Variants in EML6 observed in about 807,000 individuals in gnomAD.
EML6 encodes the protein echinoderm microtubule-associated protein-like 6.
A neutral mutation model predicts 240.1 loss-of-function variants in EML6; 154 were observed. The observed-to-expected ratio is 0.64, with a 90% CI of 0.56 to 0.73. The LOEUF (loss-of-function observed/expected upper bound fraction) is 0.73. EML6 is among the 30% of genes least tolerant of loss of function. The pLI is 0.00. For synonymous variants in EML6, 1,148 were observed against 899.0 expected, an observed-to-expected ratio of 1.28 and a Z score of -4.95; for missense variants, 2,964 against 2,474.6, an observed-to-expected ratio of 1.20 and a Z score of -4.20.
intron 2 of EML6, among the ~76,000 whole-genome samples, chr2:54,730,595 A>G (rs1683110458): frequency 6.6e-6 from 1 of 152,240 alleles, no homozygotes; most frequent in African/African-American, 2.4e-5. Context: ...AAGAGATTTA[A>G]TCAGAGTTAC....
At chr2:54,854,361 A>G (rs982220714) in intron 11 of EML6, among the ~76,000 whole-genome samples, 5 of 152,308 alleles carry the variant, frequency 3.3e-5, no homozygotes, top group Non-Finnish European at 7.4e-5. Flanking sequence ...GAGAAGTTTG[A>G]TTCAAAGCAA....
At chr2:54,817,402 C>G (rs1033644260) in intron 4 of EML6, among the ~76,000 whole-genome samples, 2 of 152,154 alleles carry the variant, frequency 1.3e-5, no homozygotes, top group African/African-American at 4.8e-5. Context: ...ATACATATAA[C>G]TGGTCAGAAA....
At chr2:54,744,808 G>A (rs1351871054) in intron 2 of EML6, among the ~76,000 whole-genome samples, 1 of 151,970 alleles carries the variant, frequency 6.6e-6, no homozygotes, top group Non-Finnish European at 1.5e-5. Flanking sequence ...CATTAGAAGT[G>A]CACAGAAGAG....
intron 4 of EML6, among the ~76,000 whole-genome samples, chr2:54,818,262 G>A (rs761321043): frequency 7.2e-5 from 11 of 152,162 alleles, no homozygotes; most frequent in Non-Finnish European, 1.0e-4. Context: ...AGCTTTTATT[G>A]TTAAATTATT....
chr2:54,804,527 A>G (rs1670363626), intron 2 of EML6, among the ~76,000 whole-genome samples: 1 of 152,232 alleles, frequency 6.6e-6, no homozygotes, highest in Non-Finnish European at 1.5e-5. Context: ...CTGCGAGTTG[A>G]TAAATGTGAC....
chr2:54,843,371 G>T (rs4671978), intron 7 of EML6, among the ~76,000 whole-genome samples: 11 of 152,054 alleles, frequency 7.2e-5, no homozygotes, highest in African/African-American at 2.7e-4. Flanking sequence ...CGAGGCTTCA[G>T]TGAGCTACAG....
chr2:54,853,940 A>T, intron 11 of EML6, 85 bp downstream of exon 11: 1 of 741,362 alleles, frequency 1.3e-6, no homozygotes, highest in Non-Finnish European at 2.1e-6. Flanking sequence ...CCTGCTGTCT[A>T]TTCCAATGCA....
chr2:54,866,889 G>C lies in EML6; in HGVS notation c.2051+5G>C. 1 of 1,534,422 alleles carries C rather than the reference G, an allele frequency of 6.5e-7. No individual in the cohort carries two copies. Among genetic ancestry groups the C allele is most frequent in the Non-Finnish European group, 8.8e-7 (1 of 1,131,532 alleles). Reference sequence around the variant, plus strand: ...GAAACTCCAGTTCATACACGGGTGGGTGGCCTGTCATGGGCGCCCGTATGT... The same window carrying C: ...GAAACTCCAGTTCATACACGGGTGGCTGGCCTGTCATGGGCGCCCGTATGT... On this transcript the variant is annotated splice_donor_5th_base_variant and intron_variant, in intron 14 of 41. Coordinates refer to ENST00000356458, the MANE Select transcript of EML6 (RefSeq NM_001039753.4).
chr2:54,957,330 A>G (rs765397242), intron 32 of EML6, among the ~76,000 whole-genome samples: 14 of 148,032 alleles, frequency 9.5e-5, no homozygotes, highest in Non-Finnish European at 2.1e-4. Flanking sequence ...CGGGGAACTT[A>G]AAGAAAATGC....
At position 54,946,912 on chromosome 2, in the gene EML6, C is replaced by G. The variant is rs574250196; in HGVS notation, c.4005-1970C>G. On this transcript the variant is annotated intron_variant, in intron 28 of 41. Coordinates refer to ENST00000356458, the MANE Select transcript of EML6 (RefSeq NM_001039753.4). ...GATTGCTTTACCTTTCGGTTTTTTTCTGAAAATCAAGGTGAAAAAAAAAAG... is the reference window on the plus strand; with the variant it reads ...GATTGCTTTACCTTTCGGTTTTTTTGTGAAAATCAAGGTGAAAAAAAAAAG... Among the ~76,000 whole-genome samples the G allele has an allele frequency of 2.6e-5, 4 of 150,982 alleles. No homozygotes were observed. In the South Asian group the frequency reaches 8.4e-4, roughly 32 times the overall value.
At position 54,866,721 on chromosome 2, in the gene EML6, C is replaced by T. The variant is rs528142794; in HGVS notation, c.1933-45C>T. On this transcript the variant is annotated intron_variant, in intron 13 of 41. Transcript: ENST00000356458. ...TGTCAAGATGCTGATATTTTTGGAA[C>T]CTGATGAAAGGCATCTCACCCAGAT... is the stretch of plus-strand genomic sequence containing the variant. 11 of 1,113,854 alleles carry T rather than the reference C, an allele frequency of 9.9e-6. No individual in the cohort carries two copies. The East Asian group carries it at 2.3e-4, about 24-fold the overall frequency. The allele number at this position is 1,113,854 out of a possible 1,614,324, so 69.0% of individuals were successfully genotyped here.
intron 12 of EML6, among the ~76,000 whole-genome samples, chr2:54,863,074 C>T (rs111413295): frequency 5.9e-5 from 9 of 152,176 alleles, no homozygotes; most frequent in African/African-American, 2.2e-4. Context: ...CTGATGTCAG[C>T]AGGCATGAGC....
At chr2:54,898,230 T>C (rs1672871702) in intron 21 of EML6, among the ~76,000 whole-genome samples, 1 of 152,134 alleles carries the variant, frequency 6.6e-6, no homozygotes, top group South Asian at 2.1e-4. Flanking sequence ...CCTGCCTCGC[T>C]TACTGTCCGA....
intron 17 of EML6, among the ~76,000 whole-genome samples, chr2:54,890,621 T>C (rs1420329802): frequency 6.6e-6 from 1 of 152,178 alleles, no homozygotes; most frequent in Non-Finnish European, 1.5e-5. Flanking sequence ...GAGCAATGCT[T>C]TCCACAGCAA....
chr2:54,868,891 TC>T, intron 14 of EML6: 1 of 315,880 alleles, frequency 3.2e-6, no homozygotes, highest in Non-Finnish European at 5.8e-6. Flanking sequence ...TACCTGTGCC[TC>T]ATCACAGATG....
chr2:54,941,446 C>T (rs1022678698), intron 28 of EML6, among the ~76,000 whole-genome samples: 7 of 152,220 alleles, frequency 4.6e-5, no homozygotes, highest in Non-Finnish European at 8.8e-5. Context: ...CCTTCCTCAG[C>T]GTAGCCGGAC....
chr2:54,740,141 A>G (rs1366730819), intron 2 of EML6, among the ~76,000 whole-genome samples: 4 of 152,256 alleles, frequency 2.6e-5, no homozygotes, highest in African/African-American at 7.2e-5. Context: ...AGGTGGTTAT[A>G]CATTTATATG....
intron 7 of EML6, among the ~76,000 whole-genome samples, chr2:54,839,832 A>G (rs1044832605): frequency 7.1e-6 from 1 of 141,554 alleles, no homozygotes; most frequent in South Asian, 2.3e-4. Context: ...TGACTGGTTC[A>G]TTAGTCTGGG....
intron 2 of EML6, among the ~76,000 whole-genome samples, chr2:54,762,084 C>G (rs1275652492): frequency 6.6e-6 from 1 of 152,102 alleles, no homozygotes; most frequent in Non-Finnish European, 1.5e-5. Context: ...GGTATAAGAT[C>G]CAGCTCAGAT....
Sources: gnomAD v4.1 joint callset for allele counts (sites outside exome capture counted in the v4.1 genomes callset) on GRCh38, gnomAD v4.1.1 for gene constraint, MANE v1.5 for transcripts, NCBI Gene and HGNC (gene_info 2026-07-23, HGNC 2026-07-21) for gene names.